The following TUT7 variants were observed in gnomAD, a reference collection of about 807,000 sequenced individuals.
TUT7 encodes terminal uridylyltransferase 7.
In TUT7, 33 loss-of-function variants were observed where a neutral mutation model predicts 165.9. That is an observed-to-expected ratio of 0.20 (90% CI 0.15 to 0.27). The LOEUF (loss-of-function observed/expected upper bound fraction) is 0.27. Among genes scored for constraint, TUT7 ranks in the 10% least tolerant of loss-of-function variants. TUT7 has a pLI of 1.00. For synonymous variants in TUT7, 552 were observed against 608.1 expected, an observed-to-expected ratio of 0.91 and a Z score of 1.36; for missense variants, 1,338 against 1,762.3, an observed-to-expected ratio of 0.76 and a Z score of 4.31.
intron 25 of TUT7, 28 bp downstream of exon 25, chr9:86,303,058 C>A (rs561021884): frequency 7.9e-5 from 92 of 1,160,752 alleles, no homozygotes; most frequent in Non-Finnish European, 9.1e-5. Flanking sequence ...AATAAAAACA[C>A]AACCAACCCC....
At chr9:86,299,673 G>C (rs1281402883) in intron 26 of TUT7, among the ~76,000 whole-genome samples, 1 of 152,174 alleles carries the variant, frequency 6.6e-6, no homozygotes, top group Non-Finnish European at 1.5e-5. Context: ...AGTTGCTGCT[G>C]TCCCCACAGG....
intron 22 of TUT7, 116 bp from the exon 23 acceptor site, chr9:86,305,355 A>G (rs1827368230): frequency 1.0e-5 from 7 of 691,492 alleles, no homozygotes; most frequent in South Asian, 8.7e-5. Context: ...CTTATCATTA[A>G]TAAGTTTTAA....
At chr9:86,308,643 T>A in intron 21 of TUT7, 37 bp from the exon 22 acceptor site, 1 of 1,521,114 alleles carries the variant, frequency 6.6e-7, no homozygotes, top group Non-Finnish European at 8.9e-7. Context: ...CCATGGTCTT[T>A]AGTGAAGTGT....
In TUT7 at chr9:86,308,539, C is replaced by T. The variant is rs41283659; in HGVS notation, c.3728G>A (p.Arg1243His). 2.5e-6 allele frequency: 4 copies of T among 1,613,834 alleles called. No individual in the cohort carries two copies. The highest frequency in any genetic ancestry group is 2.2e-5 in the South Asian group (2 of 91,056). ...AAAATCAAATTCCTCTGTGTAGAAA[C>T]GAAGAAGGCCCAACCATAACTGCCC... is the stretch of plus-strand genomic sequence containing the variant. ...SVGQLWLGLL[R>H]FYTEEFDFKE... Residue 1243 changes from arginine to histidine, a missense_variant, in exon 22 of 27, where the codon CGT becomes CAT. This residue lies in a region of TUT7 where 157 missense variants were observed against 357.5 expected (regional missense o/e 0.44). Coordinates refer to ENST00000375963, the MANE Select transcript of TUT7 (RefSeq NM_024617.4).
At chr9:86,310,945 G>A in intron 17 of TUT7, 136 bp from the exon 18 acceptor site, 1 of 589,336 alleles carries the variant, frequency 1.7e-6, no homozygotes, top group Non-Finnish European at 3.0e-6. Flanking sequence ...ACTTGTCAAA[G>A]AATTCTGTTA....
chr9:86,297,705 C>G (rs1481229928), intron 26 of TUT7, among the ~76,000 whole-genome samples: 3 of 151,962 alleles, frequency 2.0e-5, no homozygotes, highest in African/African-American at 2.4e-5. Flanking sequence ...AAGTAGCTAC[C>G]CTGCCTCCAC....
chr9:86,334,521 T>C (rs1830596130), intron 10 of TUT7, among the ~76,000 whole-genome samples: 1 of 152,228 alleles, frequency 6.6e-6, no homozygotes, highest in South Asian at 2.1e-4. Flanking sequence ...TAAGCTGTGC[T>C]TCACTGTATT....
rs1223102393 is a variant in TUT7 at position 86,322,943 on chromosome 9, T to C, written c.2807A>G (p.Glu936Gly). The change falls in exon 13 of 27, where the codon GAA becomes GGA. Residue 936 changes from glutamate to glycine, a missense_variant. Around this residue, in one of 7 missense-constraint regions of TUT7, gnomAD observed 425 missense variants for 474.9 expected, o/e 0.89. Transcript: ENST00000375963. ...AGACTGATCCACAGGTGAATTTTTT[T>C]CTTCACATACATTTTCTTCCTTGAG... is the stretch of plus-strand genomic sequence containing the variant. ...ISLKEENVCE[E>G]KNSPVDQSDF... 2.5e-6 allele frequency: 4 copies of C among 1,612,480 alleles called. No individual in the cohort carries two copies. In the East Asian group the frequency reaches 8.9e-5, roughly 36 times the overall value.
In TUT7 at chr9:86,353,172, C is replaced by A. The variant is rs145203227; in HGVS notation, c.28G>T (p.Val10Leu). 22 of 1,589,414 alleles carry A rather than the reference C, an allele frequency of 1.4e-5. No homozygotes were observed. Among genetic ancestry groups the A allele is most frequent in the Non-Finnish European group, 1.9e-5 (22 of 1,171,656 alleles). ...GTCCCCCGGTCTTTAGTGCGCTTCA[C>A]GAAATAAGGTTTTGCTGTATCTCCC... is the stretch of plus-strand genomic sequence containing the variant. MGDTAKPYF[V>L]KRTKDRGTMD... Residue 10 changes from valine (V) to leucine (L), a missense_variant, in exon 2 of 27, where the codon GTG becomes TTG. Transcript: ENST00000375963.
At chr9:86,336,876 T>G (rs1830829328) in intron 10 of TUT7, 1 of 152,362 alleles carries the variant, frequency 6.6e-6, no homozygotes, top group Non-Finnish European at 1.5e-5. Context: ...ACATGAATTC[T>G]AATTCATCTT....
At chr9:86,350,707 T>G (rs1305990229) in intron 2 of TUT7, among the ~76,000 whole-genome samples, 1 of 152,248 alleles carries the variant, frequency 6.6e-6, no homozygotes, top group African/African-American at 2.4e-5. Context: ...GAGTACTGCA[T>G]CAGATAATTC....
chr9:86,339,096 C>T (rs1831094287), intron 8 of TUT7, 147 bp from the exon 9 acceptor site: 1 of 640,874 alleles, frequency 1.6e-6, no homozygotes, highest in Non-Finnish European at 2.2e-6. Flanking sequence ...AAAACTACAT[C>T]TTTATGAGTA....
chr9:86,301,605 T>C lies in TUT7; in HGVS notation c.4095-4A>G. 6.2e-7 allele frequency: 1 copy of C among 1,601,994 alleles called. No individual in the cohort carries two copies. ...CTGATCTCGCCGCCGTCTTACTCTGTAGAAGATATCATATTAGTAGCAAAA... is the reference window on the plus strand; with the variant it reads ...CTGATCTCGCCGCCGTCTTACTCTGCAGAAGATATCATATTAGTAGCAAAA... On this transcript the variant is annotated splice_polypyrimidine_tract_variant and splice_region_variant and intron_variant, in intron 25 of 26. Transcript: ENST00000375963.
At chr9:86,335,019 T>C (rs1372058104) in intron 10 of TUT7, among the ~76,000 whole-genome samples, 2 of 152,204 alleles carry the variant, frequency 1.3e-5, no homozygotes, top group Admixed American at 1.3e-4. Flanking sequence ...TTTATAGTTG[T>C]TATTTGCAGA....
At chr9:86,344,353 A>G (rs1211085677) in intron 5 of TUT7, among the ~76,000 whole-genome samples, 3 of 152,178 alleles carry the variant, frequency 2.0e-5, no homozygotes, top group Admixed American at 6.5e-5. Context: ...AAGGATTGAC[A>G]GCAGTTGTGT....
In TUT7 at chr9:86,337,666, T is replaced by G. The variant is rs576937686; in HGVS notation, c.1336-128A>C. On this transcript the variant is annotated intron_variant, in intron 9 of 26. Transcript: ENST00000375963. ...TTTACGGTAATTCTTCAGCTGAAAATAGCAGTTACAAAATATACAACTTCC... is the reference window on the plus strand; with the variant it reads ...TTTACGGTAATTCTTCAGCTGAAAAGAGCAGTTACAAAATATACAACTTCC... 28 of 1,150,362 alleles carry G rather than the reference T, an allele frequency of 2.4e-5. No individual in the cohort carries two copies. In the African/African-American group the frequency reaches 2.7e-4, roughly 11 times the overall value. 71.3% of individuals were successfully genotyped at this position (1,150,362 alleles called of 1,614,324 possible).
chr9:86,344,863 C>A, intron 5 of TUT7, 114 bp downstream of exon 5: 1 of 1,061,992 alleles, frequency 9.4e-7, no homozygotes. Flanking sequence ...ATAGAAAACA[C>A]AAGAGCTTCA....
intron 8 of TUT7, 127 bp from the exon 9 acceptor site, chr9:86,339,076 A>C (rs1164274024): frequency 1.2e-6 from 1 of 859,994 alleles, no homozygotes; most frequent in African/African-American, 1.8e-5. Flanking sequence ...TAAAAAGCTT[A>C]AAAGTGAAAA....
At chr9:86,352,486 T>C (rs931466151) in intron 2 of TUT7, 194 bp downstream of exon 2, 13 of 674,614 alleles carry the variant, frequency 1.9e-5, no homozygotes, top group Non-Finnish European at 3.0e-5. Context: ...GGGATCAACA[T>C]ATGAAATGTG....
Sources: allele counts gnomAD v4.1 joint callset (sites outside exome capture counted in the v4.1 genomes callset), GRCh38; gene constraint gnomAD v4.1.1; regional missense constraint gnomAD v4.1.1; transcripts MANE v1.5; gene names NCBI Gene and HGNC (gene_info 2026-07-23, HGNC 2026-07-21).